Variants in ARHGEF26 observed in about 807,000 individuals in gnomAD.
ARHGEF26 encodes the protein Rho guanine nucleotide exchange factor 26.
In ARHGEF26, 59 loss-of-function variants were observed where a neutral mutation model predicts 89.4. The observed-to-expected ratio is 0.66, with a 90% confidence interval of 0.54 to 0.82. ARHGEF26 has a LOEUF of 0.82. ARHGEF26 is among the 40% of genes least tolerant of loss of function. ARHGEF26 has a pLI of 0.00. For missense variants in ARHGEF26, 1,234 were observed against 1,085.6 expected (o/e 1.14, Z -1.92); for synonymous variants, 500 against 428.4 (o/e 1.17, Z -2.06).
rs144365503 is a variant in ARHGEF26 at position 154,160,849 on chromosome 3, G to A, written c.1487+7917G>A. Among the ~76,000 whole-genome samples the A allele has an allele frequency of 5.8e-4, 88 of 152,178 alleles. 1 individual carries two copies. The highest frequency in any genetic ancestry group is 2.0e-3 in the African/African-American group (85 of 41,524). The stretch of plus-strand genomic sequence containing the variant: ...GAATTGATGATGAAGTTGGGTAAAG[G>A]TGTGACTAAAACTGCAAGTTTCATG... On this transcript the variant is annotated intron_variant, in intron 6 of 14. Transcript: ENST00000465093.
In ARHGEF26 at chr3:154,217,982, C is replaced by T. The variant is rs112433679; in HGVS notation, c.1935+24C>T. ...AGGTATTCTCGTACCTTGTTCATTA[C>T]TGTTCTTGCCTATGTTTTTCTCTAA... On this transcript the variant is annotated intron_variant, in intron 10 of 14. Transcript: ENST00000465093. 3.1e-4 allele frequency: 469 copies of T among 1,533,534 alleles called. 4 individuals are homozygous for T. The African/African-American group carries it at 5.4e-3, about 18-fold the overall frequency. 95.0% of individuals were successfully genotyped at this position (1,533,534 alleles called of 1,614,324 possible).
chr3:154,234,093 TG>T (rs1408066812), intron 11 of ARHGEF26, among the ~76,000 whole-genome samples: 1 of 152,208 alleles, frequency 6.6e-6, no homozygotes, highest in East Asian at 1.9e-4. Flanking sequence ...AAGTGCTGCT[TG>T]GGTTTCCATC....
At chr3:154,239,261 GGAGAGAGAGAGA>G (rs869046214) in intron 11 of ARHGEF26, among the ~76,000 whole-genome samples, 36 of 105,662 alleles carry the variant, frequency 3.4e-4, no homozygotes, top group African/African-American at 1.5e-3. Flanking sequence ...AGAGAGAGAG[GGAGAGAGAGAGA>G]GAGAGAGAGA....
intron 7 of ARHGEF26, 97 bp from the exon 8 acceptor site, chr3:154,191,192 T>C: frequency 7.7e-7 from 1 of 1,303,110 alleles, no homozygotes; most frequent in Non-Finnish European, 1.0e-6. Context: ...GTTGATGCTA[T>C]ATGGATTTAT....
intron 9 of ARHGEF26, among the ~76,000 whole-genome samples, chr3:154,202,872 T>C (rs1427138199): frequency 6.6e-6 from 1 of 152,100 alleles, no homozygotes; most frequent in Non-Finnish European, 1.5e-5. Flanking sequence ...TCGCTGAAGT[T>C]GCCTATCAGC....
chr3:154,252,886 A>G (rs1031276873), intron 12 of ARHGEF26, among the ~76,000 whole-genome samples: 1 of 150,284 alleles, frequency 6.7e-6, no homozygotes. Flanking sequence ...GTTCCTTTTA[A>G]TCAATAATGA....
At chr3:154,220,735 A>G (rs1430342186) in intron 10 of ARHGEF26, among the ~76,000 whole-genome samples, 1 of 152,156 alleles carries the variant, frequency 6.6e-6, no homozygotes, top group Non-Finnish European at 1.5e-5. Context: ...TGTGTTTAGT[A>G]AAGACAACTT....
chr3:154,214,102 T>C (rs1715575199), intron 9 of ARHGEF26, among the ~76,000 whole-genome samples: 1 of 152,154 alleles, frequency 6.6e-6, no homozygotes, highest in South Asian at 2.1e-4. Context: ...ACACAGCATA[T>C]GCATCCAACA....
chr3:154,202,911 A>G (rs554904967), intron 9 of ARHGEF26, among the ~76,000 whole-genome samples: 1,569 of 152,144 alleles, frequency 0.01, 19 homozygotes, highest in African/African-American at 0.036. Flanking sequence ...GAGACGATGG[A>G]GTTTTCTAGA....
chr3:154,224,544 T>C (rs992255783), intron 10 of ARHGEF26, among the ~76,000 whole-genome samples: 1 of 152,246 alleles, frequency 6.6e-6, no homozygotes, highest in Non-Finnish European at 1.5e-5. Context: ...GATAGTCCTG[T>C]GTTTCCTGTA....
chr3:154,149,493 CG>C, intron 5 of ARHGEF26, 48 bp downstream of exon 5: 1 of 1,506,178 alleles, frequency 6.6e-7, no homozygotes, highest in Non-Finnish European at 9.0e-7. Context: ...GTGTGCATGT[CG>C]GTGTCTGCTT....
chr3:154,240,111 C>T (rs1360260963), intron 11 of ARHGEF26, among the ~76,000 whole-genome samples: 1 of 152,084 alleles, frequency 6.6e-6, no homozygotes, highest in African/African-American at 2.4e-5. Context: ...ATAACAGTTC[C>T]AGGATGATGT....
At chr3:154,123,198 CTT>C (rs1210097700) in intron 2 of ARHGEF26, 123 bp downstream of exon 2, 9 of 1,402,330 alleles carry the variant, frequency 6.4e-6, no homozygotes, top group Non-Finnish European at 8.7e-6. Flanking sequence ...GTGTTTTGCT[CTT>C]GATTGCTAGT....
intron 12 of ARHGEF26, among the ~76,000 whole-genome samples, chr3:154,241,087 C>A (rs187357): frequency 0.91 from 137,942 of 152,200 alleles, 62,754 homozygotes; most frequent in East Asian, 1. Context: ...AGTTTATGCA[C>A]GACCAAAACA....
chr3:154,194,780 A>T, intron 9 of ARHGEF26, 62 bp downstream of exon 9: 8 of 1,398,630 alleles, frequency 5.7e-6, no homozygotes, highest in Non-Finnish European at 8.0e-6. Flanking sequence ...TCAGACACAA[A>T]GTGTGTCTTG....
intron 6 of ARHGEF26, among the ~76,000 whole-genome samples, chr3:154,180,571 G>C (rs1366812395): frequency 6.6e-6 from 1 of 151,006 alleles, no homozygotes; most frequent in Admixed American, 6.6e-5. Context: ...GACTTAAAAA[G>C]GTCTGTGCTG....
intron 6 of ARHGEF26, among the ~76,000 whole-genome samples, chr3:154,159,075 G>C (rs1359411512): frequency 1.3e-5 from 2 of 152,028 alleles, no homozygotes; most frequent in Admixed American, 1.3e-4. Context: ...GGTCTTTTGT[G>C]TTAAAAAGTT....
chr3:154,162,761 C>G (rs1711746367), intron 6 of ARHGEF26, among the ~76,000 whole-genome samples: 1 of 151,944 alleles, frequency 6.6e-6, no homozygotes, highest in Non-Finnish European at 1.5e-5. Flanking sequence ...TTACCTCGCC[C>G]CCTGAGCTGC....
rs760809133 is a variant in ARHGEF26, at chr3:154,240,539, G to T, written c.2260G>T (p.Ala754Ser). The change falls in exon 12 of 15, where the codon GCG becomes TCG. Residue 754 changes from alanine (A) to serine (S), a missense_variant. By Grantham distance (99) the Ala-to-Ser change is moderately conservative (BLOSUM62 1). Transcript: ENST00000465093. ...LFTLTVLSNH[A>S]NEKVEMLLGA... is the part of the protein sequence containing the mutation. ...TACTCTGACAGTCCTTAGTAACCAC[G>T]CGAATGAGAAAGTGGAGATGCTACT... The T allele has an allele frequency of 6.2e-7, 1 of 1,612,710 alleles. No homozygotes were observed. The highest frequency in any genetic ancestry group is 8.5e-7 in the Non-Finnish European group (1 of 1,179,302).
Sources: allele counts gnomAD v4.1 joint callset (sites outside exome capture counted in the v4.1 genomes callset), GRCh38; gene constraint gnomAD v4.1.1; transcripts MANE v1.5; gene names NCBI Gene and HGNC (gene_info 2026-07-23, HGNC 2026-07-21).